Variants in MACROD2 observed in about 807,000 individuals in gnomAD.
MACROD2 encodes ADP-ribose glycohydrolase MACROD2.
Under a neutral mutation model 70.4 loss-of-function variants are expected in MACROD2, and 36 were observed. The ratio of observed to expected loss-of-function variants is 0.51; its 90% CI spans 0.39 to 0.68. The LOEUF (loss-of-function observed/expected upper bound fraction) is 0.68, where lower values mean the gene tolerates loss of function less well. Among genes scored for constraint, MACROD2 ranks in the 30% least tolerant of loss-of-function variants. MACROD2 has a pLI of 0.00. For missense variants in MACROD2, 496 were observed against 538.4 expected, an observed-to-expected ratio of 0.92 and a Z score of 0.78; for synonymous variants, 172 against 178.8, an observed-to-expected ratio of 0.96 and a Z score of 0.30.
intron 4 of MACROD2, among the ~76,000 whole-genome samples, chr20:14,510,812 T>G (rs545770477): frequency 6.6e-6 from 1 of 152,234 alleles, no homozygotes; most frequent in African/African-American, 2.4e-5. Context: ...TTTTTAAAAA[T>G]TCTGTTCTAT....
chr20:14,415,200 T>C (rs534097145), intron 3 of MACROD2, among the ~76,000 whole-genome samples: 7 of 152,234 alleles, frequency 4.6e-5, no homozygotes, highest in African/African-American at 1.7e-4. Context: ...TAGGGAGAGG[T>C]TGCAAATCTG....
intron 6 of MACROD2, among the ~76,000 whole-genome samples, chr20:15,385,027 TGATGCAACAGCTGCA>T (rs2045694424): frequency 6.6e-6 from 1 of 152,182 alleles, no homozygotes; most frequent in Admixed American, 6.5e-5. Context: ...AATAAAATGT[TGATGCAACAGCTGCA>T]GAGACTGTCC....
intron 3 of MACROD2, among the ~76,000 whole-genome samples, chr20:14,305,435 A>G (rs2082511656): frequency 6.6e-6 from 1 of 152,144 alleles, no homozygotes; most frequent in Non-Finnish European, 1.5e-5. Flanking sequence ...CAAAAACACA[A>G]AAGAGTGGAA....
chr20:15,077,804 CTG>C (rs1176901046), intron 5 of MACROD2, among the ~76,000 whole-genome samples: 2 of 152,136 alleles, frequency 1.3e-5, no homozygotes, highest in Non-Finnish European at 2.9e-5. Context: ...TCTTTTATCA[CTG>C]AATTTCAGAT....
At chr20:14,668,305 A>G (rs1436774045) in intron 4 of MACROD2, among the ~76,000 whole-genome samples, 2 of 152,188 alleles carry the variant, frequency 1.3e-5, no homozygotes, top group Non-Finnish European at 2.9e-5. Context: ...AGCAGAAGCC[A>G]TAAAATGCAT....
In MACROD2 at chr20:15,059,343, C is replaced by G. The variant is rs1034547549; in HGVS notation, c.419-170597C>G. Among the ~76,000 whole-genome samples the G allele has an allele frequency of 5.3e-5, 8 of 151,822 alleles. No homozygotes were observed. In the South Asian group the frequency reaches 1.7e-3, roughly 32 times the overall value. On this transcript the variant is annotated intron_variant, in intron 5 of 17. Transcript: ENST00000684519. ...GAGGCTGCAGTGAACCGAGATCACA[C>G]CACTGCACTCCAGCCTGGGAGACAG...
intron 5 of MACROD2, among the ~76,000 whole-genome samples, chr20:14,725,288 A>G (rs557906529): frequency 1.3e-5 from 2 of 152,258 alleles, no homozygotes; most frequent in South Asian, 4.1e-4. Context: ...GGGGCCAGTC[A>G]GGGATAAAAA....
chr20:14,282,902 C>G (rs6135110), intron 3 of MACROD2, among the ~76,000 whole-genome samples: 59,495 of 152,106 alleles, frequency 0.39, 12,992 homozygotes, highest in Non-Finnish European at 0.49. Flanking sequence ...ACCTCTAACA[C>G]TGGGCATTAC....
At chr20:15,501,084 A>G (rs2047359052) in intron 8 of MACROD2, among the ~76,000 whole-genome samples, 1 of 152,246 alleles carries the variant, frequency 6.6e-6, no homozygotes, top group South Asian at 2.1e-4. Context: ...GGAAAGTCAC[A>G]GAGCCAAGAG....
intron 5 of MACROD2, among the ~76,000 whole-genome samples, chr20:15,075,576 A>G (rs2075651399): frequency 6.6e-6 from 1 of 152,172 alleles, no homozygotes; most frequent in Non-Finnish European, 1.5e-5. Context: ...CATCTTCAAT[A>G]TGAGGCTAGT....
At chr20:14,729,280 C>G (rs1360769063) in intron 5 of MACROD2, among the ~76,000 whole-genome samples, 1 of 152,264 alleles carries the variant, frequency 6.6e-6, no homozygotes, top group South Asian at 2.1e-4. Context: ...TGCTACCGTA[C>G]ATACTTTAAA....
intron 5 of MACROD2, among the ~76,000 whole-genome samples, chr20:15,077,305 A>G (rs1482567203): frequency 6.6e-6 from 1 of 152,194 alleles, no homozygotes; most frequent in Non-Finnish European, 1.5e-5. Context: ...TGTAAGCTGA[A>G]TGTCCACAGG....
chr20:14,283,706 G>T (rs968757814), intron 3 of MACROD2, among the ~76,000 whole-genome samples: 1 of 151,928 alleles, frequency 6.6e-6, no homozygotes, highest in Admixed American at 6.6e-5. Flanking sequence ...CACCATGTTG[G>T]CCAGGCTGCT....
chr20:15,256,631 C>CAT (rs2077201989), intron 6 of MACROD2, among the ~76,000 whole-genome samples: 1 of 151,738 alleles, frequency 6.6e-6, no homozygotes, highest in Non-Finnish European at 1.5e-5. Context: ...TAATTTAAAC[C>CAT]AATTGAAAAT....
intron 8 of MACROD2, among the ~76,000 whole-genome samples, chr20:15,601,353 C>T (rs995457235): frequency 1.5e-4 from 23 of 152,134 alleles, no homozygotes; most frequent in Admixed American, 1.5e-3. Context: ...TTCAAAACAC[C>T]TCCACTTAAA....
chr20:14,381,874 G>A (rs752874956), intron 3 of MACROD2, among the ~76,000 whole-genome samples: 21 of 152,110 alleles, frequency 1.4e-4, no homozygotes, highest in South Asian at 6.2e-4. Context: ...ACACTCTCAA[G>A]AGGACAGGAA....
At position 15,432,727 on chromosome 20, in the gene MACROD2, CA is replaced by C. The variant is rs754593743; in HGVS notation, c.571+1297del. Reference sequence around the variant, plus strand: ...TGATTTTCCTTGCCAAAAAAACAAACAAAAACCTAATGCCTACACCAATACT... The same window carrying C: ...TGATTTTCCTTGCCAAAAAAACAAACAAAACCTAATGCCTACACCAATACT... On this transcript the variant is annotated intron_variant, in intron 7 of 17. Coordinates refer to ENST00000684519, the MANE Select transcript of MACROD2 (RefSeq NM_001351661.2). Among the ~76,000 whole-genome samples the C allele has an allele frequency of 1.6e-4, 24 of 152,006 alleles. No individual in the cohort carries two copies. In the East Asian group the frequency reaches 4.4e-3, roughly 28 times the overall value.
chr20:15,878,213 C>G (rs1425107503), intron 9 of MACROD2, among the ~76,000 whole-genome samples: 1 of 152,128 alleles, frequency 6.6e-6, no homozygotes, highest in Non-Finnish European at 1.5e-5. Flanking sequence ...AACTGTTCCT[C>G]AAACCCAGCA....
intron 8 of MACROD2, among the ~76,000 whole-genome samples, chr20:15,617,432 C>T (rs143897242): frequency 1.4e-3 from 213 of 152,206 alleles, no homozygotes; most frequent in African/African-American, 4.8e-3. Flanking sequence ...GATCCCGTCA[C>T]AAAACTTAGA....
Sources: allele counts gnomAD v4.1 joint callset (sites outside exome capture counted in the v4.1 genomes callset), GRCh38; gene constraint gnomAD v4.1.1; transcripts MANE v1.5; gene names NCBI Gene and HGNC (gene_info 2026-07-23, HGNC 2026-07-21).